The following KIF16B variants were observed in gnomAD, a reference collection of about 807,000 sequenced individuals.
The protein encoded by KIF16B is kinesin-like protein KIF16B.
In KIF16B, 98 loss-of-function variants were observed where a neutral mutation model predicts 156.3. That is an observed-to-expected ratio of 0.63 (90% CI 0.53 to 0.74). The LOEUF (loss-of-function observed/expected upper bound fraction) is 0.74, where lower values mean the gene tolerates loss of function less well. KIF16B is among the 30% of genes least tolerant of loss of function. KIF16B has a pLI of 0.00. For missense variants in KIF16B, 1,421 were observed against 1,606.5 expected, an observed-to-expected ratio of 0.88 and a Z score of 1.97; for synonymous variants, 564 against 583.7, an observed-to-expected ratio of 0.97 and a Z score of 0.49.
chr20:16,514,279 T>C (rs2069059824), intron 4 of KIF16B, among the ~76,000 whole-genome samples: 1 of 152,050 alleles, frequency 6.6e-6, no homozygotes, highest in African/African-American at 2.4e-5. Context: ...CTCTCGAAAT[T>C]AGCTGTTTGT....
chr20:16,335,150 T>C (rs1054935383), intron 24 of KIF16B, among the ~76,000 whole-genome samples: 1 of 152,162 alleles, frequency 6.6e-6, no homozygotes, highest in Admixed American at 6.5e-5. Flanking sequence ...AAACCAATAA[T>C]TGGTGAAAGC....
At chr20:16,563,818 T>C (rs568233167) in intron 1 of KIF16B, among the ~76,000 whole-genome samples, 2 of 152,322 alleles carry the variant, frequency 1.3e-5, no homozygotes, top group Admixed American at 1.3e-4. Flanking sequence ...TAAGTGTATT[T>C]TGCACACAAA....
intron 23 of KIF16B, among the ~76,000 whole-genome samples, chr20:16,352,006 C>T (rs2064347482): frequency 6.6e-6 from 1 of 152,182 alleles, no homozygotes; most frequent in Non-Finnish European, 1.5e-5. Context: ...AGGAATGCAG[C>T]CAGGTACAGA....
intron 1 of KIF16B, among the ~76,000 whole-genome samples, chr20:16,567,197 A>T (rs1203405673): frequency 1.3e-5 from 2 of 152,046 alleles, no homozygotes; most frequent in African/African-American, 2.4e-5. Context: ...TGAATAAGAG[A>T]CCTCCTTATT....
chr20:16,367,607 G>C, intron 22 of KIF16B: 1 of 1,612,660 alleles, frequency 6.2e-7, no homozygotes. Flanking sequence ...GCCAGGGAAG[G>C]GACATTGACT....
intron 23 of KIF16B, among the ~76,000 whole-genome samples, chr20:16,350,465 C>A (rs529062338): frequency 2.6e-5 from 4 of 151,852 alleles, no homozygotes; most frequent in Non-Finnish European, 1.5e-5. Flanking sequence ...ATGTACCCTG[C>A]GGGTGCTGAA....
intron 17 of KIF16B, among the ~76,000 whole-genome samples, chr20:16,396,239 C>G (rs992473128): frequency 2.0e-5 from 3 of 152,100 alleles, no homozygotes; most frequent in Non-Finnish European, 4.4e-5. Flanking sequence ...CCTTATGAGA[C>G]TCACCTAATT....
chr20:16,458,786 G>A (rs145313484), intron 12 of KIF16B, among the ~76,000 whole-genome samples: 2,236 of 151,188 alleles, frequency 0.015, 46 homozygotes, highest in African/African-American at 0.051. Flanking sequence ...ACACATACAC[G>A]CACACACACC....
Position 16,379,627 on chromosome 20 carries a change from C to T in KIF16B, c.2375G>A (p.Arg792Lys). The change falls in exon 19 of 26, where the codon AGG (arginine) becomes AAG (lysine). Residue 792 changes from arginine to lysine, a missense_variant. Transcript: ENST00000354981. ...GGATTCCCGAATGCCTTCCAGGTCC[C>T]TCTTCTCCTCTTCCACCCACTGTAC... is the stretch of plus-strand genomic sequence containing the variant. ...GEVQWVEEEKRDLEGIRESLL... is the reference protein window; with the variant it reads ...GEVQWVEEEKKDLEGIRESLL... The T allele has an allele frequency of 6.2e-7, 1 of 1,614,130 alleles. No individual in the cohort carries two copies. The highest frequency in any genetic ancestry group is 8.5e-7 in the Non-Finnish European group (1 of 1,180,032).
In KIF16B at chr20:16,378,864, C is replaced by T; in HGVS notation, c.3138G>A (p.Gln1046=). 6.2e-7 allele frequency: 1 copy of T among 1,614,060 alleles called. No homozygotes were observed. Among genetic ancestry groups the T allele is most frequent in the South Asian group, 1.1e-5 (1 of 91,054 alleles). ...LASLNSGSRE[Q]SGLQASLEAE... ...CCTCCAGGCTAGCCTGGAGCCCTGA[C>T]TGCTCTCTGCTGCCACTGTTCAGAC... The change falls in exon 19 of 26, where the codon CAG becomes CAA. Residue 1046 remains glutamine, a synonymous_variant. Coordinates refer to ENST00000354981, the MANE Select transcript of KIF16B (RefSeq NM_024704.5).
intron 2 of KIF16B, among the ~76,000 whole-genome samples, chr20:16,527,476 A>G (rs1221513617): frequency 6.6e-6 from 1 of 152,264 alleles, no homozygotes; most frequent in Non-Finnish European, 1.5e-5. Context: ...GCCATGGAGC[A>G]TCATGTCTCA....
chr20:16,458,265 C>A (rs2067260659), intron 12 of KIF16B, among the ~76,000 whole-genome samples: 1 of 152,192 alleles, frequency 6.6e-6, no homozygotes, highest in Non-Finnish European at 1.5e-5. Flanking sequence ...AATTAATATG[C>A]TTGCTCTATA....
rs78243672 is a variant in KIF16B, at chr20:16,562,922, T to C, written c.47+10307A>G. ...AACTGTTGTGAAGAAGTGAATTAGATAGTACAGCGCAGGATTTAGCAGAAT... is the reference window on the plus strand; with the variant it reads ...AACTGTTGTGAAGAAGTGAATTAGACAGTACAGCGCAGGATTTAGCAGAAT... On this transcript the variant is annotated intron_variant, in intron 1 of 25. Transcript: ENST00000354981. Among the ~76,000 whole-genome samples the C allele has an allele frequency of 4.4e-3, 667 of 152,288 alleles. 4 individuals are homozygous for C. The highest frequency in any genetic ancestry group is 0.015 in the African/African-American group (617 of 41,560).
rs564071447 is a variant in KIF16B at position 16,486,262 on chromosome 20, T to C, written c.1302+8029A>G. 2.0e-4 allele frequency among the ~76,000 whole-genome samples: 31 copies of C among 152,054 alleles called. 1 individual carries two copies. In the South Asian group the frequency reaches 5.2e-3, roughly 26 times the overall value. Reference sequence around the variant, plus strand: ...GGTCTACCACATAAGATGCTCTCAATAAACATGTGCTTAATGAAGGAGGGA... The same window carrying C: ...GGTCTACCACATAAGATGCTCTCAACAAACATGTGCTTAATGAAGGAGGGA... On this transcript the variant is annotated intron_variant, in intron 12 of 25. Transcript: ENST00000354981.
intron 22 of KIF16B, among the ~76,000 whole-genome samples, chr20:16,363,609 C>G (rs975325961): frequency 1.1e-4 from 17 of 152,216 alleles, no homozygotes; most frequent in African/African-American, 4.1e-4. Flanking sequence ...TTGTGTTGGC[C>G]AATGAGATGT....
Position 16,273,182 on chromosome 20 carries a change from G to A in KIF16B, c.*71C>T, listed in dbSNP as rs1202523392. On this transcript the variant is annotated 3_prime_UTR_variant, in exon 26 of 26. Coordinates refer to ENST00000354981, the MANE Select transcript of KIF16B (RefSeq NM_024704.5). ...GGCAGACCCGGATCCTCGCATGGGG[G>A]AGCTGCCCTGCATCGGAGCCCGCTT... The A allele has an allele frequency of 7.5e-7, 1 of 1,337,096 alleles. No homozygotes were observed. The highest frequency in any genetic ancestry group is 1.4e-5 in the African/African-American group (1 of 69,456). The allele number at this position is 1,337,096 out of a possible 1,614,324, so 82.8% of individuals were successfully genotyped here.
rs867693970 is a variant in KIF16B at position 16,526,076 on chromosome 20, T to G, written c.231+16A>C. ...TGAAAATAAATCAACATAAATATTT[T>G]GAAAATATCATATACCATTTCTTGT... On this transcript the variant is annotated intron_variant, in intron 3 of 25. Coordinates refer to ENST00000354981, the MANE Select transcript of KIF16B (RefSeq NM_024704.5). 2.2e-6 allele frequency: 3 copies of G among 1,374,816 alleles called. No homozygotes were observed. The Middle Eastern group carries it at 5.5e-4, about 250-fold the overall frequency. 85.2% of individuals were successfully genotyped at this position (1,374,816 alleles called of 1,614,324 possible).
intron 25 of KIF16B, among the ~76,000 whole-genome samples, chr20:16,276,228 G>C (rs2063059388): frequency 1.3e-5 from 2 of 152,014 alleles, no homozygotes; most frequent in Non-Finnish European, 2.9e-5. Flanking sequence ...CACAAAGTAG[G>C]GTCCCTATAA....
intron 12 of KIF16B, among the ~76,000 whole-genome samples, chr20:16,452,397 T>C (rs1254949532): frequency 2.8e-5 from 4 of 144,872 alleles, no homozygotes; most frequent in African/African-American, 5.1e-5. Context: ...CCATAACCCC[T>C]ATAAGAAAAA....
Sources: gnomAD v4.1 joint callset for allele counts (sites outside exome capture counted in the v4.1 genomes callset) on GRCh38, gnomAD v4.1.1 for gene constraint, MANE v1.5 for transcripts, NCBI Gene and HGNC (gene_info 2026-07-23, HGNC 2026-07-21) for gene names.